The following TBCD variants were observed in gnomAD, a reference collection of about 807,000 sequenced individuals.
The protein encoded by TBCD is tubulin-specific chaperone D.
Under a neutral mutation model 169.3 loss-of-function variants are expected in TBCD, and 105 were observed. That is an observed-to-expected ratio of 0.62 (90% confidence interval 0.53 to 0.73). The LOEUF is 0.73. Among genes scored for constraint, TBCD ranks in the 30% least tolerant of loss-of-function variants. TBCD has a pLI of 0.00. For synonymous variants in TBCD, 700 were observed against 643.9 expected (o/e 1.09, Z -1.32); for missense variants, 1,444 against 1,600.1 (o/e 0.90, Z 1.66).
At chr17:82,796,714 C>T (rs947684480) in intron 7 of TBCD, among the ~76,000 whole-genome samples, 2 of 152,206 alleles carry the variant, frequency 1.3e-5, no homozygotes, top group South Asian at 2.1e-4. Flanking sequence ...CTCCACTCAG[C>T]GCTTAGGAGA....
intron 7 of TBCD, among the ~76,000 whole-genome samples, chr17:82,788,271 T>A (rs2049451318): frequency 6.6e-6 from 1 of 152,114 alleles, no homozygotes; most frequent in Non-Finnish European, 1.5e-5. Flanking sequence ...ATGGCTGTCA[T>A]TTCATGTGTG....
At chr17:82,856,974 C>T (rs924990879) in intron 13 of TBCD, among the ~76,000 whole-genome samples, 1 of 150,714 alleles carries the variant, frequency 6.6e-6, no homozygotes, top group African/African-American at 2.5e-5. Context: ...ACCCTCGGTG[C>T]GCATCCAGGG....
chr17:82,808,216 G>A (rs1357250393), intron 11 of TBCD, among the ~76,000 whole-genome samples: 2 of 152,174 alleles, frequency 1.3e-5, no homozygotes, highest in African/African-American at 4.8e-5. Context: ...TGTGGGCTCG[G>A]GCTGTGCAGG....
At chr17:82,929,526 G>T (rs539843180) in intron 32 of TBCD, 26 bp downstream of exon 32, 2 of 1,600,552 alleles carry the variant, frequency 1.2e-6, no homozygotes, top group Non-Finnish European at 8.5e-7. Context: ...GCTGGCTGGG[G>T]CAGGAGGTGG....
rs951198615 is a variant in TBCD, at chr17:82,923,132, G to A, written c.2179-520G>A. Among the ~76,000 whole-genome samples, 3 of 152,224 alleles carry A rather than the reference G, an allele frequency of 2.0e-5. No individual in the cohort carries two copies. Among genetic ancestry groups the A allele is most frequent in the Admixed American group, 6.5e-5 (1 of 15,286 alleles). On this transcript the variant is annotated intron_variant, in intron 25 of 38. Transcript: ENST00000355528. This position sits in a 1 kb window ranked among gnomAD's most constrained non-coding sequence, Gnocchi z 4.6. ...TGGCTTGGCCTGAAGGCCCTGCCCCGTTACTCTGGGTGCATAGTGTATGCC... is the reference window on the plus strand; with the variant it reads ...TGGCTTGGCCTGAAGGCCCTGCCCCATTACTCTGGGTGCATAGTGTATGCC...
At chr17:82,886,667 TCCCCTCCCCTCCCCTCCCCTCCCCTCC>T (rs2058731454) in intron 15 of TBCD, among the ~76,000 whole-genome samples, 1 of 4,084 alleles carries the variant, frequency 2.4e-4, no homozygotes, top group African/African-American at 5.8e-4. Flanking sequence ...TCCCCTCCCC[TCCCCTCCCCTCCCCTCCCCTCCCCTCC>T]CCTCCCACTC....
chr17:82,843,288 C>A (rs1429540869), intron 13 of TBCD, among the ~76,000 whole-genome samples: 1 of 149,494 alleles, frequency 6.7e-6, no homozygotes, highest in Non-Finnish European at 1.5e-5. Context: ...CCTTCCCCTC[C>A]CTGTCCAGCT....
At chr17:82,871,744 A>C (rs916615994) in intron 14 of TBCD, among the ~76,000 whole-genome samples, 16 of 152,066 alleles carry the variant, frequency 1.1e-4, no homozygotes, top group Non-Finnish European at 2.1e-4. Context: ...CCCCGCGAGC[A>C]CCAGCAGGGC....
Position 82,945,545 on chromosome 17 carries a change from A to G in TBCD, c.*3082A>G, listed in dbSNP as rs747275367. ...GAGAAAATAGCTGTCAAGTTGCTTG[A>G]ATTGTGCCCACAGCATAACATTAAA... On this transcript the variant is annotated 3_prime_UTR_variant, in exon 39 of 39. Coordinates refer to ENST00000355528, the MANE Select transcript of TBCD (RefSeq NM_005993.5). 2 of 152,234 alleles carry G rather than the reference A, an allele frequency of 1.3e-5. No individual in the cohort carries two copies. Among genetic ancestry groups the G allele is most frequent in the African/African-American group, 4.8e-5 (2 of 41,456 alleles). The allele number at this position is 152,234 out of a possible 1,614,324, so 9.4% of individuals were successfully genotyped here.
intron 17 of TBCD, among the ~76,000 whole-genome samples, chr17:82,895,443 C>G (rs2059409610): frequency 6.6e-6 from 1 of 152,206 alleles, no homozygotes; most frequent in African/African-American, 2.4e-5. Context: ...GCCCTGGGCC[C>G]TGGCGGGGAG....
chr17:82,832,090 G>A lies in TBCD; in HGVS notation c.1318+17156G>A. On this transcript the variant is annotated intron_variant, in intron 13 of 38. Coordinates refer to ENST00000355528, the MANE Select transcript of TBCD (RefSeq NM_005993.5). This position sits in a 1 kb window ranked among gnomAD's most constrained non-coding sequence, Gnocchi z 4.9. Reference sequence around the variant, plus strand: ...TGGCTTCTGTCCCAGGCACCTGTGGGTTCCCCGGGCTTGCAGCTCCAGGTT... The same window carrying A: ...TGGCTTCTGTCCCAGGCACCTGTGGATTCCCCGGGCTTGCAGCTCCAGGTT... 8 of 1,614,188 alleles carry A rather than the reference G, an allele frequency of 5.0e-6. No homozygotes were observed. Among genetic ancestry groups the A allele is most frequent in the South Asian group, 2.2e-5 (2 of 91,088 alleles).
intron 9 of TBCD, among the ~76,000 whole-genome samples, chr17:82,802,075 T>C (rs1012336525): frequency 2.8e-4 from 24 of 85,210 alleles, no homozygotes; most frequent in African/African-American, 8.4e-4. Context: ...GGGGGAAAGC[T>C]GCATCGGATC....
At chr17:82,893,892 G>A (rs2059308381) in intron 17 of TBCD, among the ~76,000 whole-genome samples, 1 of 152,210 alleles carries the variant, frequency 6.6e-6, no homozygotes, top group Non-Finnish European at 1.5e-5. Flanking sequence ...TCAGGAGTGC[G>A]GCCTTGCCGT....
At chr17:82,768,307 A>G in intron 4 of TBCD, 113 bp from the exon 5 acceptor site, 1 of 1,298,360 alleles carries the variant, frequency 7.7e-7, no homozygotes, top group Non-Finnish European at 1.1e-6. Context: ...TGGCATTTGA[A>G]TGGCTTTCAT....
chr17:82,907,516 C>G (rs951651172), intron 20 of TBCD, among the ~76,000 whole-genome samples: 7 of 152,186 alleles, frequency 4.6e-5, no homozygotes, highest in African/African-American at 1.7e-4. Context: ...GACCCCATCT[C>G]TAAAATAACA....
chr17:82,884,079 C>T lies in TBCD; in HGVS notation c.1476-66C>T, dbSNP rs1035732384. On this transcript the variant is annotated intron_variant, in intron 14 of 38. Transcript: ENST00000355528. The surrounding 1 kb of genome is among the most constrained non-coding windows in gnomAD (Gnocchi z 4.2). ...AGTCGTGAGAGAAAGGCTTTCTCAT[C>T]GATACTGTGTGGTCTGTACTGTTTT... 4 of 1,464,220 alleles carry T rather than the reference C, an allele frequency of 2.7e-6. No homozygotes were observed. The highest frequency in any genetic ancestry group is 2.4e-5 in the East Asian group (1 of 40,960). The allele number at this position is 1,464,220 out of a possible 1,614,324, so 90.7% of individuals were successfully genotyped here.
At chr17:82,846,707 C>G (rs1169621199) in intron 13 of TBCD, among the ~76,000 whole-genome samples, 1 of 152,114 alleles carries the variant, frequency 6.6e-6, no homozygotes, top group East Asian at 1.9e-4. Context: ...AGCAGCAGCC[C>G]AGGAGCGGGT....
At position 82,831,732 on chromosome 17, in the gene TBCD, C is replaced by T. The variant is rs111300300; in HGVS notation, c.1318+16798C>T. ...GCTCTGTGTAAAAGTGAGGCGGGTA[C>T]TCTGGGATTGTGGGGTGCATGTAAG... On this transcript the variant is annotated intron_variant, in intron 13 of 38. Coordinates refer to ENST00000355528, the MANE Select transcript of TBCD (RefSeq NM_005993.5). This position sits in a 1 kb window ranked among gnomAD's most constrained non-coding sequence, Gnocchi z 4.6. The T allele has an allele frequency of 3.1e-6, 5 of 1,613,992 alleles. No individual in the cohort carries two copies. The South Asian group carries it at 4.4e-5, about 14-fold the overall frequency.
chr17:82,752,229 C>T lies in TBCD; in HGVS notation c.36C>T (p.Pro12=). The part of the protein sequence containing the change: ...ALSDEPAAGG[P]EEEAEDETLA... ...GCGACGAACCGGCCGCGGGCGGCCC[C>T]GAGGAGGAGGCGGAGGACGAGACAC... Residue 12 remains proline (P), a synonymous_variant, in exon 1 of 39, where the codon CCC becomes CCT. Coordinates refer to ENST00000355528, the MANE Select transcript of TBCD (RefSeq NM_005993.5). The T allele has an allele frequency of 1.3e-6, 2 of 1,526,264 alleles. No homozygotes were observed. Among genetic ancestry groups the T allele is most frequent in the South Asian group, 1.2e-5 (1 of 82,548 alleles). 94.5% of individuals were successfully genotyped at this position (1,526,264 alleles called of 1,614,324 possible).
Sources: allele counts gnomAD v4.1 joint callset (sites outside exome capture counted in the v4.1 genomes callset), GRCh38; gene constraint gnomAD v4.1.1; non-coding constraint Gnocchi (gnomAD v3.1); transcripts MANE v1.5; gene names NCBI Gene and HGNC (gene_info 2026-07-23, HGNC 2026-07-21).